Variants in HSPA12A observed in about 807,000 individuals in gnomAD.
HSPA12A encodes the protein heat shock protein family A (Hsp70) member 12A.
Under a neutral mutation model 69.2 loss-of-function variants are expected in HSPA12A, and 28 were observed. The ratio of observed to expected loss-of-function variants is 0.40; its 90% CI spans 0.30 to 0.55. HSPA12A has a LOEUF of 0.55. HSPA12A is among the 20% of genes least tolerant of loss of function. HSPA12A has a pLI of 0.38. For synonymous variants in HSPA12A, 345 were observed against 370.5 expected, an observed-to-expected ratio of 0.93 and a Z score of 0.79; for missense variants, 686 against 900.7, an observed-to-expected ratio of 0.76 and a Z score of 3.05.
intron 2 of HSPA12A, among the ~76,000 whole-genome samples, chr10:116,774,184 T>C (rs1844280336): frequency 6.6e-6 from 1 of 152,204 alleles, no homozygotes; most frequent in East Asian, 1.9e-4. Flanking sequence ...TAATTTTTTG[T>C]ATTTTTAGTA....
chr10:116,685,504 C>T (rs1849553802), intron 6 of HSPA12A, among the ~76,000 whole-genome samples: 1 of 151,328 alleles, frequency 6.6e-6, no homozygotes, highest in Non-Finnish European at 1.5e-5. Context: ...ATGGTGGGGG[C>T]AGTGCCTGTA....
chr10:116,786,341 G>T (rs1253360731), intron 2 of HSPA12A, among the ~76,000 whole-genome samples: 1 of 152,132 alleles, frequency 6.6e-6, no homozygotes, highest in Admixed American at 6.5e-5. Context: ...CTTGCCCCTA[G>T]CCTGGGCTCA....
intron 2 of HSPA12A, among the ~76,000 whole-genome samples, chr10:116,757,742 T>G (rs1362611876): frequency 6.6e-6 from 1 of 152,158 alleles, no homozygotes; most frequent in Non-Finnish European, 1.5e-5. Flanking sequence ...TTCATAGGGA[T>G]GTGATGAAGA....
intron 2 of HSPA12A, among the ~76,000 whole-genome samples, chr10:116,780,536 T>C (rs946467741): frequency 3.3e-5 from 5 of 151,420 alleles, no homozygotes; most frequent in Non-Finnish European, 7.4e-5. Flanking sequence ...ATTTATTTTA[T>C]TTTATTTTAT....
At chr10:116,706,955 A>G (rs1396549339) in intron 2 of HSPA12A, among the ~76,000 whole-genome samples, 1 of 152,180 alleles carries the variant, frequency 6.6e-6, no homozygotes, top group Admixed American at 6.5e-5. Flanking sequence ...CTGCTCCAGA[A>G]GCACTAGCCA....
intron 2 of HSPA12A, among the ~76,000 whole-genome samples, chr10:116,775,804 A>C (rs1216580435): frequency 1.3e-5 from 2 of 152,058 alleles, no homozygotes; most frequent in Non-Finnish European, 2.9e-5. Context: ...ACCTGGCCTA[A>C]TCCTGCAGCC....
intron 7 of HSPA12A, among the ~76,000 whole-genome samples, chr10:116,682,803 C>T (rs1554878877): frequency 6.6e-6 from 1 of 151,996 alleles, no homozygotes; most frequent in Non-Finnish European, 1.5e-5. Flanking sequence ...CGGGTTCACG[C>T]CATTCTCCTG....
At chr10:116,822,594 T>C (rs1177549062) in intron 2 of HSPA12A, among the ~76,000 whole-genome samples, 3 of 152,196 alleles carry the variant, frequency 2.0e-5, no homozygotes, top group Non-Finnish European at 2.9e-5. Flanking sequence ...GCATGGACCA[T>C]TGGATGGCTT....
At chr10:116,691,665 G>C in intron 6 of HSPA12A, among the ~76,000 whole-genome samples, 1 of 152,318 alleles carries the variant, frequency 6.6e-6, no homozygotes, top group Non-Finnish European at 1.5e-5. Context: ...AGCATGGCTC[G>C]CCATTCCTGC....
chr10:116,824,408 AC>A (rs1180113197), intron 2 of HSPA12A, among the ~76,000 whole-genome samples: 1 of 152,240 alleles, frequency 6.6e-6, no homozygotes, highest in Non-Finnish European at 1.5e-5. Flanking sequence ...CCTAAGATAT[AC>A]CCAAGAGAAG....
intron 1 of HSPA12A, among the ~76,000 whole-genome samples, chr10:116,727,567 T>C (rs1851009259): frequency 6.6e-6 from 1 of 152,156 alleles, no homozygotes; most frequent in South Asian, 2.1e-4. Flanking sequence ...ATTTGACTTA[T>C]GATTACTTAA....
intron 2 of HSPA12A, among the ~76,000 whole-genome samples, chr10:116,778,873 T>A (rs569683467): frequency 2.5e-4 from 38 of 152,310 alleles, no homozygotes; most frequent in African/African-American, 8.7e-4. Flanking sequence ...ACGCTGAGGC[T>A]GCAGTGAGCT....
At chr10:116,703,476 G>A (rs1186247005) in intron 3 of HSPA12A, among the ~76,000 whole-genome samples, 7 of 151,816 alleles carry the variant, frequency 4.6e-5, no homozygotes, top group Admixed American at 4.6e-4. Context: ...TGAGGCTGCA[G>A]AGAGCCATGA....
intron 2 of HSPA12A, chr10:116,829,426 G>C (rs1340820222): frequency 6.6e-6 from 1 of 152,338 alleles, no homozygotes; most frequent in Non-Finnish European, 1.5e-5. Flanking sequence ...AGCAGGAAGG[G>C]GTAAGACAGC....
At chr10:116,691,887 G>A (rs3010466) in intron 6 of HSPA12A, among the ~76,000 whole-genome samples, 3,580 of 152,318 alleles carry the variant, frequency 0.024, 145 homozygotes, top group African/African-American at 0.081. Flanking sequence ...TCTTTTCTGC[G>A]GCAGACATGC....
rs532137296 is a variant in HSPA12A at position 116,704,117 on chromosome 10, C to A, written c.254+1034G>T. ...CCCAGCCATCCCATTACTGGGTATA[C>A]CCAAAGGATTATAAATCATGCTGCT... is the stretch of plus-strand genomic sequence containing the variant. On this transcript the variant is annotated intron_variant, in intron 3 of 11. Coordinates refer to ENST00000369209, the MANE Select transcript of HSPA12A (RefSeq NM_025015.3). Among the ~76,000 whole-genome samples, 3 of 152,284 alleles carry A rather than the reference C, an allele frequency of 2.0e-5. No homozygotes were observed. In the East Asian group the frequency reaches 5.8e-4, roughly 29 times the overall value.
At chr10:116,846,763 G>A (rs1038053911) in intron 1 of HSPA12A, among the ~76,000 whole-genome samples, 1 of 152,166 alleles carries the variant, frequency 6.6e-6, no homozygotes, top group African/African-American at 2.4e-5. Context: ...ATCACCTTGG[G>A]ACAACACAAT....
upstream of HSPA12A, among the ~76,000 whole-genome samples, chr10:116,743,337 G>A (rs974508575): frequency 1.3e-5 from 2 of 152,194 alleles, no homozygotes; most frequent in Admixed American, 6.5e-5. Flanking sequence ...ACCTGTTTGG[G>A]CCTGGCCAGG....
intron 3 of HSPA12A, among the ~76,000 whole-genome samples, chr10:116,703,331 T>C (rs78751908): frequency 6.6e-6 from 1 of 152,252 alleles, no homozygotes; most frequent in East Asian, 1.9e-4. Context: ...GAGTCACTTT[T>C]ATTATGACTT....
Sources: gnomAD v4.1 joint callset for allele counts (sites outside exome capture counted in the v4.1 genomes callset) on GRCh38, gnomAD v4.1.1 for gene constraint, MANE v1.5 for transcripts, NCBI Gene and HGNC (gene_info 2026-07-23, HGNC 2026-07-21) for gene names.